CREB1: variants seen among roughly 807,000 people sequenced by gnomAD.
CREB1 encodes the protein cAMP responsive element binding protein 1.
Under a neutral mutation model 42.0 loss-of-function variants are expected in CREB1, and 2 were observed. The ratio of observed to expected loss-of-function variants is 0.05; its 90% CI spans 0.02 to 0.15. CREB1 has a LOEUF of 0.15. CREB1 is among the 10% of genes least tolerant of loss of function. The pLI is 1.00. For missense variants in CREB1, 199 were observed against 388.9 expected (o/e 0.51, Z 4.11); for synonymous variants, 123 against 139.9 (o/e 0.88, Z 0.85).
intron 7 of CREB1, among the ~76,000 whole-genome samples, chr2:207,592,856 T>C (rs1406295963): frequency 2.0e-5 from 3 of 148,388 alleles, no homozygotes; most frequent in Non-Finnish European, 4.4e-5. Context: ...GAGGTTGCAG[T>C]GAGTCCAGAT....
rs144370464 is a variant in CREB1, at chr2:207,548,239, C to A, written c.-8-7389C>A. ...CCACTGCATCTGGCTGGCATTATTT[C>A]TAACACACTTCTGTTAAATACTTCC... On this transcript the variant is annotated intron_variant, in intron 1 of 7. Transcript: ENST00000353267. Among the ~76,000 whole-genome samples the A allele has an allele frequency of 3.2e-3, 493 of 152,198 alleles. 3 individuals carry two copies. Among genetic ancestry groups the A allele is most frequent in the Middle Eastern group, 0.014 (4 of 294 alleles).
chr2:207,546,431 AAAC>A (rs1469013102), intron 1 of CREB1, among the ~76,000 whole-genome samples: 8 of 152,202 alleles, frequency 5.3e-5, no homozygotes, highest in African/African-American at 9.6e-5. Flanking sequence ...ATTAAAAAAG[AAAC>A]AACAACAATA....
rs888823733 is a variant in CREB1, at chr2:207,597,309, C to T, written c.*251C>T. 3 of 390,554 alleles carry T rather than the reference C, an allele frequency of 7.7e-6. No individual in the cohort carries two copies. In the Admixed American group the frequency reaches 1.4e-4, roughly 18 times the overall value. The allele number at this position is 390,554 out of a possible 1,614,324, so 24.2% of individuals were successfully genotyped here. A position where few individuals can be genotyped will look rare whatever the true frequency, so the allele number is the denominator to read the frequency against. On this transcript the variant is annotated 3_prime_UTR_variant, in exon 8 of 8. Coordinates refer to ENST00000353267, the MANE Select transcript of CREB1 (RefSeq NM_004379.5). ...CATGAAGAGACTTCTGCTTTTCAAC[C>T]CCCACCCTCCTCAAGAAGTAATAAT...
At chr2:207,568,762 T>C (rs182894833) in intron 4 of CREB1, among the ~76,000 whole-genome samples, 103 of 152,290 alleles carry the variant, frequency 6.8e-4, no homozygotes, top group Non-Finnish European at 1.3e-3. Flanking sequence ...GATTATGTTA[T>C]TCATTTGAAA....
At chr2:207,572,610 T>G (rs2082412405) in intron 5 of CREB1, among the ~76,000 whole-genome samples, 1 of 152,180 alleles carries the variant, frequency 6.6e-6, no homozygotes, top group African/African-American at 2.4e-5. Context: ...AAGAGTGGAA[T>G]TATCGACCAT....
chr2:207,533,724 A>G (rs1463546341), intron 1 of CREB1, among the ~76,000 whole-genome samples: 1 of 151,964 alleles, frequency 6.6e-6, no homozygotes, highest in Admixed American at 6.6e-5. Flanking sequence ...TTTCTTACCC[A>G]TGTGTAAACT....
At chr2:207,544,024 A>G (rs113889746) in intron 1 of CREB1, among the ~76,000 whole-genome samples, 47,216 of 152,006 alleles carry the variant, frequency 0.31, 7,633 homozygotes, top group South Asian at 0.5. Flanking sequence ...GGTTCATGCC[A>G]TTCTCCTGCT....
In CREB1 at chr2:207,543,537, G is replaced by T. The variant is rs140235728; in HGVS notation, c.-8-12091G>T. Among the ~76,000 whole-genome samples, 209 of 152,180 alleles carry T rather than the reference G, an allele frequency of 1.4e-3. 1 individual carries two copies. The highest frequency in any genetic ancestry group is 4.7e-3 in the African/African-American group (196 of 41,534). On this transcript the variant is annotated intron_variant, in intron 1 of 7. Transcript: ENST00000353267. ...GTAAGGCGTAGTCTTCATCACTCTT[G>T]TAGTACTGCATTATCTCTTTGTAAA...
chr2:207,586,507 A>G (rs1036976490), intron 7 of CREB1, among the ~76,000 whole-genome samples: 9 of 152,224 alleles, frequency 5.9e-5, no homozygotes, highest in African/African-American at 2.2e-4. Context: ...TAGACTTGGC[A>G]AAAACTTCAT....
intron 7 of CREB1, among the ~76,000 whole-genome samples, chr2:207,593,400 C>A (rs2085460787): frequency 6.6e-6 from 1 of 152,128 alleles, no homozygotes; most frequent in Non-Finnish European, 1.5e-5. Flanking sequence ...CATGGTGGTG[C>A]ATGCCTATGG....
intron 7 of CREB1, chr2:207,580,661 A>T (rs1198932676): frequency 4.5e-6 from 1 of 220,736 alleles, no homozygotes; most frequent in African/African-American, 2.2e-5. Flanking sequence ...CATTTATTTC[A>T]AGATGAAGGT....
At chr2:207,576,381 AAAT>A (rs1011758842) in intron 6 of CREB1, among the ~76,000 whole-genome samples, 3 of 151,704 alleles carry the variant, frequency 2.0e-5, no homozygotes, top group South Asian at 2.1e-4. Flanking sequence ...CTGATTGAGG[AAAT>A]AATAATAAAT....
At chr2:207,571,626 TACGTGTATGTGTATTATC>T in intron 5 of CREB1, 1 of 347,074 alleles carries the variant, frequency 2.9e-6, no homozygotes, top group South Asian at 2.2e-5. Context: ...TACAATTCTG[TACGTGTATGTGTATTATC>T]AGTTGAAGCC....
chr2:207,578,966 TTAG>T (rs2082714996), intron 7 of CREB1, among the ~76,000 whole-genome samples: 1 of 152,010 alleles, frequency 6.6e-6, no homozygotes, highest in South Asian at 2.1e-4. Context: ...AATTTTTGTA[TTAG>T]TAGAGACATG....
chr2:207,603,102 C>G lies in CREB1; in HGVS notation c.*6044C>G, dbSNP rs1197688690. ...TTGGAGTTGAATACTAAATAAATAA[C>G]TATAATGAGGGAAATACATTTCTAA... On this transcript the variant is annotated 3_prime_UTR_variant, in exon 8 of 8. Coordinates refer to ENST00000353267, the MANE Select transcript of CREB1 (RefSeq NM_004379.5). 3 of 210,654 alleles carry G rather than the reference C, an allele frequency of 1.4e-5. No homozygotes were observed. The highest frequency in any genetic ancestry group is 2.9e-5 in the Non-Finnish European group (3 of 103,972). The allele number at this position is 210,654 out of a possible 1,614,324, so 13.0% of individuals were successfully genotyped here. A position where few individuals can be genotyped will look rare whatever the true frequency, so the allele number is the denominator to read the frequency against.
At position 207,600,815 on chromosome 2, in the gene CREB1, C is replaced by G. The variant is rs930973825; in HGVS notation, c.*3757C>G. On this transcript the variant is annotated 3_prime_UTR_variant, in exon 8 of 8. Transcript: ENST00000353267. ...TCCCTGTAGGACAAATCCCTACTAT[C>G]ATTTCTACCTTTTGGGGTGACATGT... The G allele has an allele frequency of 9.6e-6, 2 of 209,146 alleles. No homozygotes were observed. The highest frequency in any genetic ancestry group is 7.2e-5 in the East Asian group (1 of 13,828). The allele number at this position is 209,146 out of a possible 1,614,324, so 13.0% of individuals were successfully genotyped here.
chr2:207,566,293 A>G (rs1286786549), intron 3 of CREB1, among the ~76,000 whole-genome samples: 1 of 152,196 alleles, frequency 6.6e-6, no homozygotes, highest in East Asian at 1.9e-4. Flanking sequence ...ACTTCTGAAT[A>G]TGTTTTCTTA....
chr2:207,583,483 A>C (rs184540607), intron 7 of CREB1, among the ~76,000 whole-genome samples: 4 of 152,242 alleles, frequency 2.6e-5, no homozygotes, highest in Non-Finnish European at 4.4e-5. Context: ...TACCAGTTAC[A>C]GTGCAGTATT....
intron 7 of CREB1, chr2:207,580,798 G>C (rs1029270212): frequency 4.5e-6 from 1 of 224,022 alleles, no homozygotes; most frequent in Non-Finnish European, 8.9e-6. Flanking sequence ...GGCAGCTGCA[G>C]GTCAGTTGCT....
Sources: allele counts gnomAD v4.1 joint callset (sites outside exome capture counted in the v4.1 genomes callset), GRCh38; gene constraint gnomAD v4.1.1; transcripts MANE v1.5; gene names NCBI Gene and HGNC (gene_info 2026-07-23, HGNC 2026-07-21).